Variants in CCBE1 observed in about 807,000 individuals in gnomAD.
The protein encoded by CCBE1 is collagen and calcium-binding EGF domain-containing protein 1.
In CCBE1, 37 loss-of-function variants were observed where a neutral mutation model predicts 50.0. That is an observed-to-expected ratio of 0.74 (90% CI 0.57 to 0.97). CCBE1 has a LOEUF of 0.97. Ranked by LOEUF, CCBE1 falls within the 50% of genes least tolerant of loss-of-function variation. CCBE1 has a pLI of 0.00. For missense variants in CCBE1, 538 were observed against 523.8 expected (o/e 1.03, Z -0.26); for synonymous variants, 234 against 203.7 (o/e 1.15, Z -1.27).
chr18:59,584,542 G>A (rs1279132955), intron 2 of CCBE1, among the ~76,000 whole-genome samples: 3 of 152,148 alleles, frequency 2.0e-5, no homozygotes, highest in Admixed American at 6.5e-5. Context: ...TTTGAGGTGG[G>A]GCCTGGTGGG....
intron 2 of CCBE1, among the ~76,000 whole-genome samples, chr18:59,588,102 G>A (rs1232414505): frequency 6.6e-6 from 1 of 152,174 alleles, no homozygotes; most frequent in Non-Finnish European, 1.5e-5. Flanking sequence ...AGCAGAATTT[G>A]ATGCTAAAAT....
At chr18:59,449,486 G>A (rs1910828835) in intron 6 of CCBE1, among the ~76,000 whole-genome samples, 1 of 152,100 alleles carries the variant, frequency 6.6e-6, no homozygotes, top group South Asian at 2.1e-4. Context: ...GCTAGGCATG[G>A]TGGTGCACGC....
chr18:59,685,249 GCTTAAGAAACCAAGAAC>G (rs2054640212), intron 2 of CCBE1, among the ~76,000 whole-genome samples: 3 of 152,124 alleles, frequency 2.0e-5, no homozygotes, highest in African/African-American at 7.2e-5. Context: ...GAATGGCTCA[GCTTAAGAAACCAAGAAC>G]TCATGAGGAG....
At chr18:59,639,867 C>A (rs1236819740) in intron 2 of CCBE1, among the ~76,000 whole-genome samples, 2 of 151,942 alleles carry the variant, frequency 1.3e-5, no homozygotes, top group Admixed American at 6.6e-5. Context: ...GCCAAGGGGC[C>A]AAATAAAGAA....
intron 2 of CCBE1, among the ~76,000 whole-genome samples, chr18:59,536,944 A>T (rs1411323156): frequency 1.4e-5 from 2 of 146,612 alleles, no homozygotes; most frequent in Non-Finnish European, 3.0e-5. Flanking sequence ...GTGAGCAGAG[A>T]TTGTGCCACT....
intron 2 of CCBE1, among the ~76,000 whole-genome samples, chr18:59,668,819 C>CTTTTTT (rs34632549): frequency 0.012 from 1,153 of 99,108 alleles, 10 homozygotes; most frequent in Non-Finnish European, 0.016. Context: ...TTCCATAAGT[C>CTTTTTT]TTTTTTTTTT....
intron 2 of CCBE1, among the ~76,000 whole-genome samples, chr18:59,533,405 G>A (rs780946201): frequency 8.2e-4 from 124 of 152,082 alleles, no homozygotes; most frequent in Non-Finnish European, 1.4e-3. Flanking sequence ...CCCATAAAAG[G>A]CCAGTTATTT....
chr18:59,462,426 G>T (rs545783067), intron 5 of CCBE1: 18 of 151,268 alleles, frequency 1.2e-4, no homozygotes, highest in African/African-American at 4.4e-4. Context: ...TTTTTTTTGA[G>T]ACAGGGTGGA....
intron 2 of CCBE1, among the ~76,000 whole-genome samples, chr18:59,645,350 A>T (rs1159074272): frequency 6.6e-6 from 1 of 152,244 alleles, no homozygotes; most frequent in Non-Finnish European, 1.5e-5. Flanking sequence ...TGGACATTGG[A>T]TACATTCAGT....
In CCBE1 at chr18:59,439,691, G is replaced by A. The variant is rs375717418; in HGVS notation, c.901C>T (p.Arg301Trp). The change falls in exon 8 of 11, where the codon CGG becomes TGG. Residue 301 changes from arginine (R) to tryptophan (W), a missense_variant. By Grantham distance (101) the Arg-to-Trp change is moderately radical (BLOSUM62 -3). Coordinates refer to ENST00000439986, the MANE Select transcript of CCBE1 (RefSeq NM_133459.4). ...AAGATACTGACCACAGGGCCCCTCC[G>A]GCCTTGCTTAATGTGGGACAGATCA... ...SPDLSHIKQGRRGPVGPPGAP... is the reference protein window; with the variant it reads ...SPDLSHIKQGWRGPVGPPGAP... The A allele has an allele frequency of 9.8e-5, 158 of 1,614,116 alleles. No individual in the cohort carries two copies. Among genetic ancestry groups the A allele is most frequent in the Non-Finnish European group, 1.2e-4 (139 of 1,180,056 alleles).
chr18:59,468,320 G>A (rs1568155789), intron 4 of CCBE1, among the ~76,000 whole-genome samples: 1 of 152,232 alleles, frequency 6.6e-6, no homozygotes, highest in Non-Finnish European at 1.5e-5. Context: ...GGGAGGTTGA[G>A]GCTGCAGTGA....
intron 2 of CCBE1, among the ~76,000 whole-genome samples, chr18:59,520,855 C>G (rs1914568295): frequency 6.6e-6 from 1 of 152,244 alleles, no homozygotes; most frequent in South Asian, 2.1e-4. Flanking sequence ...AAGACAGACA[C>G]AAATTAACCC....
At chr18:59,608,743 G>A (rs540890834) in intron 2 of CCBE1, among the ~76,000 whole-genome samples, 3 of 152,268 alleles carry the variant, frequency 2.0e-5, no homozygotes, top group South Asian at 4.1e-4. Flanking sequence ...CTTCTACACG[G>A]AGTCTTTCCC....
intron 2 of CCBE1, among the ~76,000 whole-genome samples, chr18:59,489,692 C>T (rs557884928): frequency 5.3e-5 from 8 of 152,130 alleles, no homozygotes; most frequent in Non-Finnish European, 7.4e-5. Context: ...GGATTATAGA[C>T]GTGAGCCACT....
rs531456465 is a variant in CCBE1 at position 59,663,279 on chromosome 18, A to G, written c.212+33350T>C. On this transcript the variant is annotated intron_variant, in intron 2 of 10. Coordinates refer to ENST00000439986, the MANE Select transcript of CCBE1 (RefSeq NM_133459.4). The stretch of plus-strand genomic sequence containing the variant: ...TCTTTAGAGTGGTTGTGAAAAATGC[A>G]CAAAGCAGGTAATATCTGAGCTTTA... 2.8e-4 allele frequency among the ~76,000 whole-genome samples: 42 copies of G among 152,314 alleles called. No homozygotes were observed. The South Asian group carries it at 8.5e-3, about 31-fold the overall frequency.
Position 59,439,672 on chromosome 18 carries a change from C to T in CCBE1, c.915+5G>A, listed in dbSNP as rs2143618612. 3 of 1,614,238 alleles carry T rather than the reference C, an allele frequency of 1.9e-6. No individual in the cohort carries two copies. Among genetic ancestry groups the T allele is most frequent in the Non-Finnish European group, 2.5e-6 (3 of 1,180,034 alleles). ...AAGGAAGTGGATCTCTGATAAGATACTGACCACAGGGCCCCTCCGGCCTTG... is the reference window on the plus strand; with the variant it reads ...AAGGAAGTGGATCTCTGATAAGATATTGACCACAGGGCCCCTCCGGCCTTG... On this transcript the variant is annotated splice_donor_5th_base_variant and intron_variant, in intron 8 of 10. Transcript: ENST00000439986.
chr18:59,696,421 C>G (rs1307057531), intron 2 of CCBE1: 38 of 1,343,100 alleles, frequency 2.8e-5, no homozygotes, highest in Non-Finnish European at 3.3e-5. Flanking sequence ...GGCACACACC[C>G]TAGACGCAAA....
chr18:59,656,590 T>G (rs988560734), intron 2 of CCBE1, among the ~76,000 whole-genome samples: 1 of 152,266 alleles, frequency 6.6e-6, no homozygotes, highest in African/African-American at 2.4e-5. Flanking sequence ...GTCATTAGTT[T>G]CAGTTCCTGA....
At chr18:59,439,457 A>T in intron 9 of CCBE1, 86 bp downstream of exon 9, 6 of 1,503,112 alleles carry the variant, frequency 4.0e-6, no homozygotes, top group Non-Finnish European at 5.6e-6. Context: ...ACAGAGCAAG[A>T]CCATCTCAAA....
Sources: gnomAD v4.1 joint callset for allele counts (sites outside exome capture counted in the v4.1 genomes callset) on GRCh38, gnomAD v4.1.1 for gene constraint, MANE v1.5 for transcripts, NCBI Gene and HGNC (gene_info 2026-07-23, HGNC 2026-07-21) for gene names.